SUPT3H: variants seen among roughly 807,000 people sequenced by gnomAD.
The protein encoded by SUPT3H is SPT3 homolog, SAGA and STAGA complex component.
A neutral mutation model predicts 44.3 loss-of-function variants in SUPT3H; 44 were observed. The observed-to-expected ratio is 0.99, with a 90% CI of 0.78 to 1.28. The LOEUF (loss-of-function observed/expected upper bound fraction) is 1.28, where lower values mean the gene tolerates loss of function less well. Among genes scored for constraint, SUPT3H ranks in the 50% most tolerant of loss-of-function variants. SUPT3H has a pLI of 0.00. For missense variants in SUPT3H, 380 were observed against 387.1 expected (o/e 0.98, Z 0.15); for synonymous variants, 124 against 125.6 (o/e 0.99, Z 0.09).
intron 9 of SUPT3H, among the ~76,000 whole-genome samples, chr6:44,945,080 C>A (rs1258552070): frequency 1.3e-5 from 2 of 151,918 alleles, no homozygotes; most frequent in Non-Finnish European, 2.9e-5. Context: ...CAGTATATTT[C>A]AAATATTTTC....
chr6:45,094,254 G>A (rs2153564797), intron 3 of SUPT3H, among the ~76,000 whole-genome samples: 1 of 152,162 alleles, frequency 6.6e-6, no homozygotes, highest in South Asian at 2.1e-4. Flanking sequence ...TTAAGTCAGG[G>A]GATAGGAGTC....
At chr6:45,142,492 T>G (rs1305135197) in intron 2 of SUPT3H, among the ~76,000 whole-genome samples, 1 of 151,676 alleles carries the variant, frequency 6.6e-6, no homozygotes, top group Non-Finnish European at 1.5e-5. Context: ...ATTCCAGCAC[T>G]TTGGGAGGCT....
At chr6:45,330,937 C>A (rs759605574) in intron 2 of SUPT3H, among the ~76,000 whole-genome samples, 3 of 151,986 alleles carry the variant, frequency 2.0e-5, no homozygotes, top group African/African-American at 4.8e-5. Context: ...AGCCTAAAAC[C>A]TCACTTCAGG....
At chr6:44,811,791 A>G (rs1313615172) in intron 11 of SUPT3H, among the ~76,000 whole-genome samples, 2 of 152,120 alleles carry the variant, frequency 1.3e-5, no homozygotes, top group South Asian at 2.1e-4. Context: ...ATACCTTCTC[A>G]TAAGCCATCA....
chr6:45,030,203 C>T (rs1786698416), intron 3 of SUPT3H, among the ~76,000 whole-genome samples: 2 of 152,098 alleles, frequency 1.3e-5, no homozygotes, highest in Admixed American at 1.3e-4. Flanking sequence ...TATAGTTATC[C>T]TTTGGTAACT....
chr6:44,892,875 T>A (rs555536528), intron 10 of SUPT3H, among the ~76,000 whole-genome samples: 2 of 152,156 alleles, frequency 1.3e-5, no homozygotes, highest in African/African-American at 4.8e-5. Context: ...AAAATTATAA[T>A]TACTTTCCTT....
intron 2 of SUPT3H, among the ~76,000 whole-genome samples, chr6:45,117,204 T>G (rs1231825112): frequency 6.6e-6 from 1 of 152,088 alleles, no homozygotes; most frequent in Non-Finnish European, 1.5e-5. Flanking sequence ...TATAAAGCCC[T>G]GTAGCAAAGA....
rs372088052 is a variant in SUPT3H, at chr6:45,312,974, C to T, written c.101+52227G>A. 5.8e-4 allele frequency among the ~76,000 whole-genome samples: 89 copies of T among 152,222 alleles called. 1 individual carries two copies. The South Asian group carries it at 0.018, about 31-fold the overall frequency. ...ACAGTGGAATAAAACTGGAAATCAA[C>T]TCCAAAAGGAACCCTCAAAACCATG... On this transcript the variant is annotated intron_variant, in intron 2 of 10. Transcript: ENST00000371459.
chr6:45,032,027 T>C (rs373126501), intron 3 of SUPT3H, among the ~76,000 whole-genome samples: 5 of 152,194 alleles, frequency 3.3e-5, no homozygotes, highest in African/African-American at 1.2e-4. Flanking sequence ...ATTATAGCAA[T>C]GCAATTGCTA....
chr6:45,355,599 G>A (rs774341073), intron 2 of SUPT3H, among the ~76,000 whole-genome samples: 16 of 151,870 alleles, frequency 1.1e-4, no homozygotes, highest in Non-Finnish European at 2.4e-4. Context: ...ATTTTTCTTT[G>A]TATCAATTTG....
chr6:45,216,941 G>C (rs1224287563), intron 2 of SUPT3H, among the ~76,000 whole-genome samples: 3 of 152,098 alleles, frequency 2.0e-5, no homozygotes, highest in Non-Finnish European at 1.5e-5. Flanking sequence ...TAAAAAATTT[G>C]ATCTCACAGA....
At chr6:44,902,850 C>A (rs1765326553) in intron 10 of SUPT3H, among the ~76,000 whole-genome samples, 1 of 152,212 alleles carries the variant, frequency 6.6e-6, no homozygotes. Context: ...ACAGTGCAAT[C>A]AAACCAGAAC....
At chr6:45,017,374 C>T (rs1232984298) in intron 4 of SUPT3H, among the ~76,000 whole-genome samples, 1 of 150,964 alleles carries the variant, frequency 6.6e-6, no homozygotes, top group African/African-American at 2.4e-5. Flanking sequence ...TCAATTTTGG[C>T]TTTTGTTGCC....
At chr6:45,165,985 A>C (rs1329166389) in intron 2 of SUPT3H, among the ~76,000 whole-genome samples, 4 of 152,264 alleles carry the variant, frequency 2.6e-5, no homozygotes, top group Non-Finnish European at 5.9e-5. Flanking sequence ...CTAAATAAAT[A>C]AATCTAGACT....
At chr6:44,843,610 A>G (rs1055427457) in intron 10 of SUPT3H, among the ~76,000 whole-genome samples, 4 of 152,188 alleles carry the variant, frequency 2.6e-5, no homozygotes, top group Non-Finnish European at 5.9e-5. Context: ...ACAAGAAGAA[A>G]AAATTAAGAA....
At chr6:45,332,476 A>G (rs1787712568) in intron 2 of SUPT3H, among the ~76,000 whole-genome samples, 1 of 151,844 alleles carries the variant, frequency 6.6e-6, no homozygotes, top group Non-Finnish European at 1.5e-5. Context: ...TGACGGCAAA[A>G]CAGGGTAACA....
chr6:45,080,177 C>T (rs1453408953), intron 3 of SUPT3H, among the ~76,000 whole-genome samples: 2 of 152,000 alleles, frequency 1.3e-5, no homozygotes, highest in African/African-American at 2.4e-5. Context: ...ACAAACAGTA[C>T]ACAAGTATAT....
In SUPT3H at chr6:45,328,183, G is replaced by A. The variant is rs1050929340; in HGVS notation, c.101+37018C>T. 4 of 922,694 alleles carry A rather than the reference G, an allele frequency of 4.3e-6. No individual in the cohort carries two copies. In the African/African-American group the frequency reaches 5.2e-5, roughly 12 times the overall value. The allele number at this position is 922,694 out of a possible 1,614,324, so 57.2% of individuals were successfully genotyped here. ...AGAAAGAGAGAGAGAGAAAGAGCAAGGGGGAAAAGCCACAGTGGTAGGCAG... is the reference window on the plus strand; with the variant it reads ...AGAAAGAGAGAGAGAGAAAGAGCAAAGGGGAAAAGCCACAGTGGTAGGCAG... On this transcript the variant is annotated intron_variant, in intron 2 of 10. Coordinates refer to ENST00000371459, the MANE Select transcript of SUPT3H (RefSeq NM_003599.4).
intron 2 of SUPT3H, among the ~76,000 whole-genome samples, chr6:45,169,337 T>A (rs1006469817): frequency 6.6e-6 from 1 of 152,100 alleles, no homozygotes; most frequent in African/African-American, 2.4e-5. Context: ...TAAAAATCAT[T>A]CTAAATTATT....
Sources: allele counts gnomAD v4.1 joint callset (sites outside exome capture counted in the v4.1 genomes callset), GRCh38; gene constraint gnomAD v4.1.1; transcripts MANE v1.5; gene names NCBI Gene and HGNC (gene_info 2026-07-23, HGNC 2026-07-21).